FBXL13: variants seen among roughly 807,000 people sequenced by gnomAD.
FBXL13 encodes the protein F-box and leucine rich repeat protein 13, also known as F-box and leucine-rich repeat protein 13.
A neutral mutation model predicts 83.6 loss-of-function variants in FBXL13; 67 were observed. The ratio of observed to expected loss-of-function variants is 0.80; its 90% CI spans 0.66 to 0.98. The LOEUF (loss-of-function observed/expected upper bound fraction) is 0.98. FBXL13 is among the 50% of genes least tolerant of loss of function. The pLI, the probability that FBXL13 is intolerant of heterozygous loss-of-function variation, is 0.00. For synonymous variants in FBXL13, 272 were observed against 299.5 expected (o/e 0.91, Z 0.95); for missense variants, 822 against 866.5 (o/e 0.95, Z 0.64).
At chr7:103,069,739 A>G (rs7341515) in intron 1 of FBXL13, among the ~76,000 whole-genome samples, 148,240 of 152,344 alleles carry the variant, frequency 0.97, 72,272 homozygotes, top group East Asian at 1. Context: ...ATCATCTGGA[A>G]CTTCTATTGT....
At chr7:103,029,034 T>C (rs1794232881) in intron 3 of FBXL13, among the ~76,000 whole-genome samples, 1 of 152,058 alleles carries the variant, frequency 6.6e-6, no homozygotes, top group South Asian at 2.1e-4. Context: ...TAATGATGTC[T>C]TTTTTTAAAA....
intron 6 of FBXL13, among the ~76,000 whole-genome samples, chr7:102,987,266 A>G (rs2129484084): frequency 6.6e-6 from 1 of 152,294 alleles, no homozygotes; most frequent in East Asian, 1.9e-4. Flanking sequence ...CATCCATATA[A>G]CCAGAAACCA....
chr7:102,813,465 A>C (rs76271897), exon 20 of FBXL13: 2 of 1,614,206 alleles, frequency 1.2e-6, no homozygotes, highest in South Asian at 2.2e-5. Flanking sequence ...AGCCAAACCA[A>C]CGTGGAGGGT....
At chr7:103,073,774 G>C (rs781709218) in intron 1 of FBXL13, among the ~76,000 whole-genome samples, 19 of 151,856 alleles carry the variant, frequency 1.3e-4, no homozygotes, top group Non-Finnish European at 2.6e-4. Flanking sequence ...ACGGGTGGGG[G>C]GTCTCTACCA....
chr7:103,071,167 G>A (rs906942785), intron 1 of FBXL13, among the ~76,000 whole-genome samples: 1 of 150,538 alleles, frequency 6.6e-6, no homozygotes, highest in Non-Finnish European at 1.5e-5. Flanking sequence ...AGAAAATGGG[G>A]AAAAAGCAGA....
At chr7:103,026,960 T>C (rs1172650237) in intron 5 of FBXL13, among the ~76,000 whole-genome samples, 2 of 152,208 alleles carry the variant, frequency 1.3e-5, no homozygotes, top group Non-Finnish European at 1.5e-5. Flanking sequence ...AGTAATGATA[T>C]ACTAATAGCT....
In FBXL13 at chr7:102,939,658, T is replaced by C. The variant is rs190127583; in HGVS notation, c.725-7725A>G. ...ATTTTTTTCTATGGCAACACTTATA[T>C]ACAGTAAATTCAGTTTAAAAGTAAC... On this transcript the variant is annotated intron_variant, in intron 8 of 19. Transcript: ENST00000313221. 243 of 1,309,428 alleles carry C rather than the reference T, an allele frequency of 1.9e-4. 1 individual carries two copies. In the East Asian group the frequency reaches 5.6e-3, roughly 30 times the overall value. The allele number at this position is 1,309,428 out of a possible 1,614,324, so 81.1% of individuals were successfully genotyped here.
At chr7:103,055,129 C>T in intron 2 of FBXL13, 2 of 1,289,206 alleles carry the variant, frequency 1.6e-6, no homozygotes, top group Non-Finnish European at 2.0e-6. Flanking sequence ...AGGTAAGTTT[C>T]AGACAATCTT....
At chr7:103,036,015 A>G (rs1480673410) in intron 2 of FBXL13, among the ~76,000 whole-genome samples, 1 of 152,152 alleles carries the variant, frequency 6.6e-6, no homozygotes, top group Non-Finnish European at 1.5e-5. Context: ...GCAAGCGAGC[A>G]TTACCTCCTG....
chr7:103,026,768 G>A (rs1793964770), intron 5 of FBXL13, among the ~76,000 whole-genome samples: 1 of 152,000 alleles, frequency 6.6e-6, no homozygotes, highest in African/African-American at 2.4e-5. Context: ...GATCCATGGG[G>A]CAACCACAAA....
intron 6 of FBXL13, among the ~76,000 whole-genome samples, chr7:102,998,606 C>G (rs936197471): frequency 2.6e-5 from 4 of 151,874 alleles, no homozygotes; most frequent in Non-Finnish European, 5.9e-5. Context: ...ATTTTTTTAT[C>G]CTGCAACTTT....
Position 102,937,900 on chromosome 7 carries a change from C to T in FBXL13, c.725-5967G>A, listed in dbSNP as rs142537433. On this transcript the variant is annotated intron_variant, in intron 8 of 19. Coordinates refer to ENST00000313221, the Ensembl canonical transcript of FBXL13. ...ATAGAGAACTTGCATACAGATTCCC[C>T]AACTCGGAGTTGAGACTTGCCCAGC... Among the ~76,000 whole-genome samples, 932 of 152,318 alleles carry T rather than the reference C, an allele frequency of 6.1e-3. 11 individuals carry two copies. Among genetic ancestry groups the T allele is most frequent in the African/African-American group, 0.022 (895 of 41,568 alleles).
chr7:103,027,546 C>T lies in FBXL13; in HGVS notation c.230G>A (p.Arg77Gln), dbSNP rs746621370. 4.8e-5 allele frequency: 77 copies of T among 1,606,064 alleles called. 1 individual carries two copies. The highest frequency in any genetic ancestry group is 2.9e-4 in the African/African-American group (22 of 74,584). Reference sequence around the variant, plus strand: ...GTGACAATAGATGATCTGTTGTATCCGCAATAGAATATCTGAAGGAAATTT... The same window carrying T: ...GTGACAATAGATGATCTGTTGTATCTGCAATAGAATATCTGAAGGAAATTT... Residue 77 changes from arginine to glutamine, a missense_variant, in exon 5 of 20, where the codon CGG (arginine) becomes CAG (glutamine). Coordinates refer to ENST00000313221, the Ensembl canonical transcript of FBXL13.
In FBXL13 at chr7:102,907,614, C is replaced by T. The variant is rs186101673; in HGVS notation, c.1008+5472G>A. Among the ~76,000 whole-genome samples, 567 of 152,144 alleles carry T rather than the reference C, an allele frequency of 3.7e-3. 5 individuals are homozygous for T. Among genetic ancestry groups the T allele is most frequent in the African/African-American group, 0.013 (560 of 41,494 alleles). On this transcript the variant is annotated intron_variant, in intron 11 of 19. Transcript: ENST00000313221. The stretch of plus-strand genomic sequence containing the variant: ...CGATAGTTTGCTGAGAATGATGGTT[C>T]CCAGCTTCATCCATGTCCCTACAAA...
chr7:102,980,587 CT>C (rs1563181703), intron 6 of FBXL13, among the ~76,000 whole-genome samples: 22 of 152,128 alleles, frequency 1.4e-4, no homozygotes. Context: ...ACCATCTTGG[CT>C]AACATGGTGA....
In FBXL13 at chr7:102,813,366, G is replaced by C; in HGVS notation, c.2184C>G (p.Tyr728Ter). The stretch of plus-strand genomic sequence containing the variant: ...GTCACGCTGCTTGGTCTTCACTGCT[G>C]TATGTTGACTTTTTCACTGTTAATT... Residue 728 changes from tyrosine to a stop codon, truncating the protein, a stop_gained, in exon 20 of 20, where the codon TAC becomes TAG. Transcript: ENST00000313221. LOFTEE classifies it high-confidence loss of function. The C allele has an allele frequency of 6.2e-7, 1 of 1,613,688 alleles. No individual in the cohort carries two copies. Among genetic ancestry groups the C allele is most frequent in the East Asian group, 2.2e-5 (1 of 44,850 alleles).
At chr7:102,995,148 T>A (rs1829961915) in intron 6 of FBXL13, among the ~76,000 whole-genome samples, 1 of 152,142 alleles carries the variant, frequency 6.6e-6, no homozygotes, top group South Asian at 2.1e-4. Context: ...CTACTTTATT[T>A]CCCATGAGCA....
intron 1 of FBXL13, among the ~76,000 whole-genome samples, chr7:103,057,414 T>TGGG (rs5886241): frequency 6.6e-6 from 1 of 150,844 alleles, no homozygotes; most frequent in African/African-American, 2.4e-5. Flanking sequence ...TCATTGGGGT[T>TGGG]GGGGGGGGTT....
intron 16 of FBXL13, 100 bp from the exon 18 acceptor site, chr7:102,854,960 T>C: frequency 1.6e-6 from 1 of 625,188 alleles, no homozygotes; most frequent in Non-Finnish European, 2.5e-6. Flanking sequence ...TAAAAAACCA[T>C]TTATGAAAAC....
Sources: gnomAD v4.1 joint callset for allele counts (sites outside exome capture counted in the v4.1 genomes callset) on GRCh38, gnomAD v4.1.1 for gene constraint, MANE v1.5 for transcripts, NCBI Gene and HGNC (gene_info 2026-07-23, HGNC 2026-07-21) for gene names.